Variants in NHEJ1 observed in about 807,000 individuals in gnomAD.
The protein encoded by NHEJ1 is non-homologous end joining factor 1.
A neutral mutation model predicts 39.4 loss-of-function variants in NHEJ1; 22 were observed. The ratio of observed to expected loss-of-function variants is 0.56; its 90% confidence interval spans 0.40 to 0.80. The LOEUF (loss-of-function observed/expected upper bound fraction) is 0.80, where lower values mean the gene tolerates loss of function less well. Ranked by LOEUF, NHEJ1 falls within the 30% of genes least tolerant of loss-of-function variation. The pLI is 0.00. For missense variants in NHEJ1, 329 were observed against 357.1 expected, an observed-to-expected ratio of 0.92 and a Z score of 0.63; for synonymous variants, 154 against 135.6, an observed-to-expected ratio of 1.14 and a Z score of -0.94.
intron 5 of NHEJ1, among the ~76,000 whole-genome samples, chr2:219,143,645 T>C (rs563490114): frequency 1.3e-5 from 2 of 152,288 alleles, no homozygotes; most frequent in African/African-American, 4.8e-5. Context: ...TTTCCAGATA[T>C]AATAAAATTC....
chr2:219,106,114 T>C (rs1410316685), intron 5 of NHEJ1, among the ~76,000 whole-genome samples: 3 of 152,168 alleles, frequency 2.0e-5, no homozygotes, highest in Admixed American at 1.3e-4. Flanking sequence ...AGAAAGGTAA[T>C]ACCAGCAAAA....
At chr2:219,120,734 T>G (rs538113050) in intron 5 of NHEJ1, among the ~76,000 whole-genome samples, 1 of 152,304 alleles carries the variant, frequency 6.6e-6, no homozygotes, top group African/African-American at 2.4e-5. Context: ...CCATCAAGTA[T>G]ACTGCCATTT....
chr2:219,076,643 G>A (rs1478790423), intron 7 of NHEJ1, among the ~76,000 whole-genome samples, 188 bp from the exon 8 acceptor site: 4 of 146,682 alleles, frequency 2.7e-5, no homozygotes, highest in Non-Finnish European at 4.5e-5. Context: ...TCCTGGGCTC[G>A]AGCAATCCGC....
At chr2:219,080,515 A>C (rs908450998) in intron 5 of NHEJ1, among the ~76,000 whole-genome samples, 7 of 149,530 alleles carry the variant, frequency 4.7e-5, no homozygotes, top group Non-Finnish European at 8.9e-5. Flanking sequence ...ACAGAGCAAG[A>C]CTCTGTCTTA....
At position 219,073,054 on chromosome 2, in the gene NHEJ1, G is replaced by A. The variant is rs1315524586; in HGVS notation, c.*3327C>T. Among the ~76,000 whole-genome samples the A allele has an allele frequency of 6.6e-6, 1 of 152,166 alleles. No individual in the cohort carries two copies. The highest frequency in any genetic ancestry group is 1.5e-5 in the Non-Finnish European group (1 of 68,022). ...GAAGGAAAGAAAAGGGAGTCCAAAT[G>A]TACCGCTGGATAAAAACGAGCAGCA... On this transcript the variant is annotated 3_prime_UTR_variant, in exon 8 of 8. Coordinates refer to ENST00000356853, the MANE Select transcript of NHEJ1 (RefSeq NM_024782.3).
chr2:219,084,388 C>A (rs1205961455), intron 5 of NHEJ1, among the ~76,000 whole-genome samples: 1 of 152,222 alleles, frequency 6.6e-6, no homozygotes, highest in Non-Finnish European at 1.5e-5. Context: ...CTTCTCTTCA[C>A]TGGCGTCCCA....
Position 219,159,576 on chromosome 2 carries a change from CATATATATATGCATAT to C in NHEJ1, c.-1+1128_-1+1143del, listed in dbSNP as rs1186198022. On this transcript the variant is annotated intron_variant, in intron 1 of 7. Transcript: ENST00000356853. ...GCATATATATATGCATATATATATGCATATATATATGCATATATATATATGCATATATATACATATA... is the reference window on the plus strand; with the variant it reads ...GCATATATATATGCATATATATATGCATATATATGCATATATATACATATA... Among the ~76,000 whole-genome samples the C allele has an allele frequency of 2.2e-4, 15 of 68,968 alleles. 1 individual carries two copies. The highest frequency in any genetic ancestry group is 1.9e-3 in the Admixed American group (12 of 6,268). 45.2% of individuals were successfully genotyped at this position (68,968 alleles called of 152,430 possible). A position where few individuals can be genotyped will look rare whatever the true frequency, so the allele number is the denominator to read the frequency against.
intron 5 of NHEJ1, among the ~76,000 whole-genome samples, chr2:219,101,666 C>A (rs1381669008): frequency 6.6e-6 from 1 of 151,704 alleles, no homozygotes; most frequent in East Asian, 1.9e-4. Flanking sequence ...CTGCCTCGGC[C>A]TCCCAAAGTG....
chr2:219,119,527 C>T (rs1481353472), intron 5 of NHEJ1, among the ~76,000 whole-genome samples: 2 of 152,078 alleles, frequency 1.3e-5, no homozygotes, highest in Admixed American at 6.5e-5. Context: ...ATCCCCCACT[C>T]CCCCATCCCT....
chr2:219,092,722 G>A (rs1265532611), intron 5 of NHEJ1, among the ~76,000 whole-genome samples: 1 of 152,194 alleles, frequency 6.6e-6, no homozygotes, highest in African/African-American at 2.4e-5. Flanking sequence ...GGTAACAGTG[G>A]ATGCATAATC....
At chr2:219,078,636 G>A (rs1949035551) in intron 5 of NHEJ1, among the ~76,000 whole-genome samples, 1 of 152,172 alleles carries the variant, frequency 6.6e-6, no homozygotes, top group Non-Finnish European at 1.5e-5. Flanking sequence ...AAATGGTAAT[G>A]ACAGACTGAG....
chr2:219,137,592 A>C (rs1442387080), intron 5 of NHEJ1, among the ~76,000 whole-genome samples: 6 of 121,490 alleles, frequency 4.9e-5, no homozygotes, highest in African/African-American at 1.7e-4. Flanking sequence ...AAAAAAAAAA[A>C]CAAAAAAAAC....
intron 5 of NHEJ1, among the ~76,000 whole-genome samples, chr2:219,112,807 C>T (rs1949377518): frequency 6.6e-6 from 1 of 152,180 alleles, no homozygotes; most frequent in South Asian, 2.1e-4. Flanking sequence ...CCTTTACACT[C>T]ATGACTTTCA....
At chr2:219,117,646 C>T (rs528795087) in intron 5 of NHEJ1, among the ~76,000 whole-genome samples, 5 of 152,348 alleles carry the variant, frequency 3.3e-5, no homozygotes, top group South Asian at 4.1e-4. Context: ...TCAGATCTGT[C>T]GCCTTCTTAT....
At chr2:219,152,196 T>A (rs774453767) in intron 3 of NHEJ1, among the ~76,000 whole-genome samples, 1 of 152,128 alleles carries the variant, frequency 6.6e-6, no homozygotes, top group Admixed American at 6.6e-5. Context: ...TTACAACAGT[T>A]AAGGAGGTTA....
chr2:219,121,162 C>A (rs1020579034), intron 5 of NHEJ1, among the ~76,000 whole-genome samples: 3 of 151,462 alleles, frequency 2.0e-5, no homozygotes, highest in South Asian at 4.2e-4. Flanking sequence ...GCCAAGAATG[C>A]GCCATTGCAC....
chr2:219,132,114 A>G (rs1270461114), intron 5 of NHEJ1, among the ~76,000 whole-genome samples: 1 of 152,240 alleles, frequency 6.6e-6, no homozygotes, highest in Admixed American at 6.5e-5. Context: ...CGTGGCTCTA[A>G]TCTGGACAAA....
chr2:219,122,643 T>C (rs1269869114), intron 5 of NHEJ1, among the ~76,000 whole-genome samples: 1 of 152,200 alleles, frequency 6.6e-6, no homozygotes, highest in African/African-American at 2.4e-5. Context: ...AGACATTTAC[T>C]CTTAAGATTT....
In NHEJ1 at chr2:219,153,702, G is replaced by GC. The variant is rs1188581028; in HGVS notation, c.390+3769_390+3770insG. Among the ~76,000 whole-genome samples the GC allele has an allele frequency of 4.6e-4, 60 of 129,568 alleles. 3 individuals carry two copies. In the East Asian group the frequency reaches 0.01, roughly 22 times the overall value. 85.0% of individuals were successfully genotyped at this position (129,568 alleles called of 152,430 possible). A position where few individuals can be genotyped will look rare whatever the true frequency, so the allele number is the denominator to read the frequency against. On this transcript the variant is annotated intron_variant, in intron 3 of 7. Transcript: ENST00000356853. ...AGAAAAAGAAAGAAAAGGGGGGGGG[G>GC]GTGGAGAGAGAGAGAGAGAGCAAGC... is the stretch of plus-strand genomic sequence containing the variant.
Sources: allele counts gnomAD v4.1 joint callset (sites outside exome capture counted in the v4.1 genomes callset), GRCh38; gene constraint gnomAD v4.1.1; transcripts MANE v1.5; gene names NCBI Gene and HGNC (gene_info 2026-07-23, HGNC 2026-07-21).